Variants in SETBP1 observed in about 807,000 individuals in gnomAD.
SETBP1 encodes SET-binding protein.
SETBP1 carries 9 observed loss-of-function variants against 101.0 expected under a neutral mutation model. The observed-to-expected ratio is 0.09, with a 90% CI of 0.05 to 0.16. SETBP1 has a LOEUF of 0.16. Ranked by LOEUF, SETBP1 falls within the 10% of genes least tolerant of loss-of-function variation. The probability of loss-of-function intolerance (pLI) is 1.00; values close to 1 mark genes in which losing one functional copy is unlikely to be tolerated. For missense variants in SETBP1, 1,858 were observed against 2,033.8 expected (o/e 0.91, Z 1.66); for synonymous variants, 818 against 788.5 (o/e 1.04, Z -0.63).
chr18:44,751,140 T>A (rs757324608), intron 2 of SETBP1, among the ~76,000 whole-genome samples: 1 of 152,306 alleles, frequency 6.6e-6, no homozygotes, highest in African/African-American at 2.4e-5. Context: ...TTGTTTGTTT[T>A]TATGGAATGT....
chr18:44,798,863 G>A (rs184146598), intron 2 of SETBP1, among the ~76,000 whole-genome samples: 3 of 152,308 alleles, frequency 2.0e-5, no homozygotes, highest in East Asian at 3.9e-4. Context: ...CAAACATTAT[G>A]TAGAGGTAAG....
At chr18:44,882,385 C>T (rs536474768) in intron 3 of SETBP1, among the ~76,000 whole-genome samples, 6 of 151,964 alleles carry the variant, frequency 3.9e-5, no homozygotes, top group East Asian at 1.9e-4. Context: ...GGGGTGCGGA[C>T]GAAGCGCTAA....
chr18:45,021,268 T>G (rs2145419507), intron 4 of SETBP1, among the ~76,000 whole-genome samples: 1 of 152,384 alleles, frequency 6.6e-6, no homozygotes, highest in East Asian at 1.9e-4. Flanking sequence ...TGGGTCTGTA[T>G]GCCAGCTATC....
intron 4 of SETBP1, among the ~76,000 whole-genome samples, chr18:44,954,369 C>T (rs147889100): frequency 4.6e-5 from 7 of 150,806 alleles, no homozygotes; most frequent in African/African-American, 1.5e-4. Context: ...TCTTGTGTTC[C>T]CCCTGTTCCC....
At chr18:44,797,487 T>C (rs975811601) in intron 2 of SETBP1, among the ~76,000 whole-genome samples, 2 of 152,194 alleles carry the variant, frequency 1.3e-5, no homozygotes, top group African/African-American at 4.8e-5. Flanking sequence ...CTGTTAACCA[T>C]GATGAAAAGC....
intron 4 of SETBP1, among the ~76,000 whole-genome samples, chr18:45,018,470 G>A (rs1201730933): frequency 1.3e-5 from 2 of 152,140 alleles, no homozygotes; most frequent in Non-Finnish European, 2.9e-5. Flanking sequence ...CCCTTTGCTG[G>A]GTGGACGCTC....
Position 44,701,457 on chromosome 18 carries a change from T to A in SETBP1, c.111T>A (p.Pro37=), listed in dbSNP as rs771548585. The A allele has an allele frequency of 6.2e-7, 1 of 1,612,736 alleles. No homozygotes were observed. Among genetic ancestry groups the A allele is most frequent in the African/African-American group, 1.3e-5 (1 of 74,806 alleles). Residue 37 remains proline, a synonymous_variant, in exon 2 of 6, where the codon CCT becomes CCA. Coordinates refer to ENST00000649279, the MANE Select transcript of SETBP1 (RefSeq NM_015559.3). ...PPAAPGCAGE[P]LLSTPGPGKG... is the part of the protein sequence containing the mutation. ...CTGCTCCTGGCTGTGCAGGAGAACC[T>A]TTGCTCTCCACTCCAGGACCTGGGA...
chr18:45,055,809 A>G (rs1222723970), intron 5 of SETBP1, among the ~76,000 whole-genome samples: 3 of 152,016 alleles, frequency 2.0e-5, no homozygotes, highest in Non-Finnish European at 4.4e-5. Context: ...TTTTAGTCCA[A>G]CTCTTCATTC....
chr18:44,802,583 G>A (rs919768536), intron 2 of SETBP1, among the ~76,000 whole-genome samples: 1 of 152,066 alleles, frequency 6.6e-6, no homozygotes, highest in African/African-American at 2.4e-5. Context: ...TCCTTCCTCA[G>A]CATTCATCTT....
chr18:44,918,083 C>T (rs901491983), intron 3 of SETBP1, among the ~76,000 whole-genome samples: 8 of 152,232 alleles, frequency 5.3e-5, no homozygotes, highest in South Asian at 2.1e-4. Flanking sequence ...AAATCCTTCC[C>T]GGTGCTGCCG....
intron 2 of SETBP1, among the ~76,000 whole-genome samples, chr18:44,811,764 C>G (rs182561247): frequency 1.3e-5 from 2 of 152,332 alleles, no homozygotes; most frequent in Admixed American, 1.3e-4. Context: ...CCTGTGAGGA[C>G]TACAAGCCTG....
intron 3 of SETBP1, among the ~76,000 whole-genome samples, chr18:44,943,840 C>A (rs1158457878): frequency 1.4e-5 from 2 of 142,664 alleles, no homozygotes; most frequent in Admixed American, 1.4e-4. Context: ...CTTTTTTTTT[C>A]TTTTTTTTTT....
At chr18:44,998,071 G>A (rs752175255) in intron 4 of SETBP1, among the ~76,000 whole-genome samples, 5 of 152,220 alleles carry the variant, frequency 3.3e-5, no homozygotes, top group Non-Finnish European at 7.3e-5. Context: ...AGCAGCCCCT[G>A]TTCTAGTTAA....
Position 44,736,139 on chromosome 18 carries a change from C to T in SETBP1, c.486+34307C>T, listed in dbSNP as rs1233987359. Reference sequence around the variant, plus strand: ...GTGGCTCATGCCTGTAATCCCAGCACTTTGGGAGGCCAAGGCAGGAGAATC... The same window carrying T: ...GTGGCTCATGCCTGTAATCCCAGCATTTTGGGAGGCCAAGGCAGGAGAATC... On this transcript the variant is annotated intron_variant, in intron 2 of 5. Transcript: ENST00000649279. Among the ~76,000 whole-genome samples the T allele has an allele frequency of 2.0e-5, 3 of 152,154 alleles. No individual in the cohort carries two copies. The East Asian group carries it at 5.8e-4, about 29-fold the overall frequency.
At chr18:44,966,955 C>T in intron 4 of SETBP1, among the ~76,000 whole-genome samples, 1 of 152,212 alleles carries the variant, frequency 6.6e-6, no homozygotes, top group East Asian at 1.9e-4. Context: ...ACACCACTTA[C>T]CATATAGTTG....
intron 2 of SETBP1, among the ~76,000 whole-genome samples, chr18:44,841,679 C>G (rs1393998255): frequency 6.6e-6 from 1 of 152,144 alleles, no homozygotes; most frequent in Non-Finnish European, 1.5e-5. Flanking sequence ...TATTTAAGAT[C>G]CCATCAATTA....
At position 45,066,945 on chromosome 18, in the gene SETBP1, C is replaced by T. The variant is rs941942181; in HGVS notation, c.*3247C>T. ...GTGTCTGGAAGAGCTACTTGCTCTTCCACCCCTCATCTCAAATGAGAGGAG... is the reference window on the plus strand; with the variant it reads ...GTGTCTGGAAGAGCTACTTGCTCTTTCACCCCTCATCTCAAATGAGAGGAG... On this transcript the variant is annotated 3_prime_UTR_variant, in exon 6 of 6. Transcript: ENST00000649279. 1 of 152,096 alleles carries T rather than the reference C, an allele frequency of 6.6e-6. No homozygotes were observed. Among genetic ancestry groups the T allele is most frequent in the African/African-American group, 2.4e-5 (1 of 41,394 alleles). The allele number at this position is 152,096 out of a possible 1,614,324, so 9.4% of individuals were successfully genotyped here. A position where few individuals can be genotyped will look rare whatever the true frequency, so the allele number is the denominator to read the frequency against.
intron 4 of SETBP1, among the ~76,000 whole-genome samples, chr18:44,990,287 A>T (rs899148929): frequency 1.3e-5 from 2 of 152,144 alleles, no homozygotes; most frequent in Non-Finnish European, 2.9e-5. Flanking sequence ...ATGTGGATAA[A>T]CTTATATTTA....
intron 4 of SETBP1, among the ~76,000 whole-genome samples, chr18:45,006,175 A>G (rs754417612): frequency 1.6e-4 from 24 of 151,266 alleles, no homozygotes; most frequent in Non-Finnish European, 2.9e-4. Flanking sequence ...GATGGTTTCA[A>G]TCTCTTGACC....
Sources: gnomAD v4.1 joint callset for allele counts (sites outside exome capture counted in the v4.1 genomes callset) on GRCh38, gnomAD v4.1.1 for gene constraint, MANE v1.5 for transcripts, NCBI Gene and HGNC (gene_info 2026-07-23, HGNC 2026-07-21) for gene names.